CEP83: variants seen among roughly 807,000 people sequenced by gnomAD.
CEP83 encodes the protein centrosomal protein 83.
CEP83 carries 70 observed loss-of-function variants against 101.9 expected under a neutral mutation model. That is an observed-to-expected ratio of 0.69 (90% CI 0.57 to 0.84). CEP83 has a LOEUF of 0.84. CEP83 is among the 40% of genes least tolerant of loss of function. The pLI, the probability that CEP83 is intolerant of heterozygous loss-of-function variation, is 0.00. For synonymous variants in CEP83, 264 were observed against 267.9 expected, an observed-to-expected ratio of 0.99 and a Z score of 0.14; for missense variants, 715 against 787.2, an observed-to-expected ratio of 0.91 and a Z score of 1.10.
the CEP83 span, chr12:94,282,313 C>T: frequency 6.2e-7 from 1 of 1,613,308 alleles, no homozygotes; most frequent in South Asian, 1.1e-5. Flanking sequence ...CAAATGGGCA[C>T]ACGACAGAAA....
At chr12:94,437,329 G>A (rs4604938) in intron 1 of CEP83, among the ~76,000 whole-genome samples, 82,769 of 152,044 alleles carry the variant, frequency 0.54, 22,538 homozygotes, top group African/African-American at 0.56. Flanking sequence ...TGGGCAACAG[G>A]GCAAGACTTG....
At chr12:94,409,076 A>G (rs887677897) in intron 4 of CEP83, among the ~76,000 whole-genome samples, 6 of 152,010 alleles carry the variant, frequency 3.9e-5, no homozygotes, top group Non-Finnish European at 8.8e-5. Context: ...TAATGCACGT[A>G]TATTTTAAAA....
chr12:94,423,001 T>G (rs1402750153), intron 2 of CEP83, among the ~76,000 whole-genome samples: 1 of 152,196 alleles, frequency 6.6e-6, no homozygotes, highest in East Asian at 1.9e-4. Flanking sequence ...TGGAGCAGGT[T>G]TATATTTAAC....
At chr12:94,428,105 G>A (rs1029850374) in intron 2 of CEP83, among the ~76,000 whole-genome samples, 9 of 152,214 alleles carry the variant, frequency 5.9e-5, no homozygotes, top group Admixed American at 2.0e-4. Context: ...CTATTTTTAC[G>A]ATTGTACTGT....
intron 11 of CEP83, among the ~76,000 whole-genome samples, chr12:94,359,833 A>G (rs1030623807): frequency 1.3e-5 from 2 of 152,154 alleles, no homozygotes; most frequent in Non-Finnish European, 2.9e-5. Context: ...CAAAAAAAAG[A>G]GCACTATGGC....
chr12:94,308,706 A>C lies in CEP83; in HGVS notation c.*107T>G, dbSNP rs1173146816. ...GGTACCTTTTCTTGAGGCACATTCA[A>C]GTGTTTTGGCAAACAGTAAAAAGTA... On this transcript the variant is annotated 3_prime_UTR_variant, in exon 17 of 17. Transcript: ENST00000397809. The C allele has an allele frequency of 1.1e-5, 8 of 710,218 alleles. No individual in the cohort carries two copies. The highest frequency in any genetic ancestry group is 1.1e-4 in the African/African-American group (6 of 56,492). 44.0% of individuals were successfully genotyped at this position (710,218 alleles called of 1,614,324 possible). A position where few individuals can be genotyped will look rare whatever the true frequency, so the allele number is the denominator to read the frequency against.
chr12:94,349,285 CA>C (rs567484415), intron 11 of CEP83, among the ~76,000 whole-genome samples: 168 of 73,460 alleles, frequency 2.3e-3, no homozygotes, highest in Middle Eastern at 8.2e-3. Context: ...GACTCTGTCT[CA>C]AAAAAAAAAA....
At chr12:94,417,983 T>C (rs145201062) in intron 2 of CEP83, among the ~76,000 whole-genome samples, 4 of 151,982 alleles carry the variant, frequency 2.6e-5, no homozygotes, top group Non-Finnish European at 5.9e-5. Flanking sequence ...CAAACAAGCT[T>C]GAAATAAATG....
chr12:94,447,567 A>T (rs1219803901), intron 1 of CEP83, among the ~76,000 whole-genome samples: 1 of 152,236 alleles, frequency 6.6e-6, no homozygotes, highest in Non-Finnish European at 1.5e-5. Context: ...TTACATCAGT[A>T]AATATTAAAG....
rs138432007 is a variant in CEP83 at position 94,374,506 on chromosome 12, T to C, written c.933+1380A>G. On this transcript the variant is annotated intron_variant, in intron 8 of 16. Coordinates refer to ENST00000397809, the MANE Select transcript of CEP83 (RefSeq NM_016122.3). Reference sequence around the variant, plus strand: ...ATTTACTTGTGTTTTGTATCTATTTTTTTGTATACTCTATAGTTATAAGCT... The same window carrying C: ...ATTTACTTGTGTTTTGTATCTATTTCTTTGTATACTCTATAGTTATAAGCT... Among the ~76,000 whole-genome samples, 360 of 152,362 alleles carry C rather than the reference T, an allele frequency of 2.4e-3. 1 individual carries two copies. Among genetic ancestry groups the C allele is most frequent in the Middle Eastern group, 0.02 (6 of 294 alleles).
At chr12:94,292,959 G>A in the CEP83 span, among the ~76,000 whole-genome samples, 1 of 152,174 alleles carries the variant, frequency 6.6e-6, no homozygotes, top group African/African-American at 2.4e-5. Context: ...TACCACCCAT[G>A]TCAAAAAATA....
chr12:94,454,376 C>T (rs2067482277), intron 1 of CEP83, among the ~76,000 whole-genome samples: 1 of 152,196 alleles, frequency 6.6e-6, no homozygotes, highest in East Asian at 1.9e-4. Context: ...GATTCTGGGT[C>T]CGGTGTGGAC....
intron 2 of CEP83, 108 bp from the exon 3 acceptor site, chr12:94,412,699 T>C (rs1478328042): frequency 8.4e-6 from 3 of 357,704 alleles, no homozygotes; most frequent in Non-Finnish European, 1.5e-5. Flanking sequence ...TTTTCTTTTT[T>C]TTTTTTTTTT....
chr12:94,320,099 G>A (rs1971392891), intron 14 of CEP83, among the ~76,000 whole-genome samples: 1 of 152,124 alleles, frequency 6.6e-6, no homozygotes. Context: ...TTACCATTAT[G>A]TAAACCCGTG....
chr12:94,304,117 T>C, downstream of CEP83: 1 of 1,047,832 alleles, frequency 9.5e-7, no homozygotes, highest in South Asian at 1.4e-5. Context: ...TATAGCATTC[T>C]GTCAGTTTCA....
chr12:94,328,358 C>A, intron 14 of CEP83: 2 of 236,058 alleles, frequency 8.5e-6, no homozygotes, highest in South Asian at 9.0e-5. Context: ...CCAAAGACTA[C>A]TTAAAAACAG....
At chr12:94,432,535 A>T (rs1219707587) in intron 2 of CEP83, among the ~76,000 whole-genome samples, 6 of 152,156 alleles carry the variant, frequency 3.9e-5, no homozygotes. Flanking sequence ...TGGGAGCTTA[A>T]AAAAAGTTGA....
chr12:94,402,808 A>G (rs1209798532), intron 5 of CEP83: 1 of 154,800 alleles, frequency 6.5e-6, no homozygotes, highest in African/African-American at 2.4e-5. Flanking sequence ...CTGAAGCAAG[A>G]GAATCGCTTG....
intron 2 of CEP83, among the ~76,000 whole-genome samples, chr12:94,432,371 T>C (rs1566190013): frequency 6.6e-6 from 1 of 152,162 alleles, no homozygotes; most frequent in Non-Finnish European, 1.5e-5. Flanking sequence ...CTGAACTGTT[T>C]TTTTTAAATG....
Sources: allele counts gnomAD v4.1 joint callset (sites outside exome capture counted in the v4.1 genomes callset), GRCh38; gene constraint gnomAD v4.1.1; transcripts MANE v1.5; gene names NCBI Gene and HGNC (gene_info 2026-07-23, HGNC 2026-07-21).